TSHZ2: variants seen among roughly 807,000 people sequenced by gnomAD.
TSHZ2 encodes the protein teashirt zinc finger homeobox 2.
Under a neutral mutation model 74.4 loss-of-function variants are expected in TSHZ2, and 21 were observed. The observed-to-expected ratio is 0.28, with a 90% confidence interval of 0.20 to 0.41. TSHZ2 has a LOEUF of 0.41. TSHZ2 is among the 10% of genes least tolerant of loss of function. The pLI is 1.00. For missense variants in TSHZ2, 1,244 were observed against 1,293.5 expected, an observed-to-expected ratio of 0.96 and a Z score of 0.59; for synonymous variants, 540 against 515.3, an observed-to-expected ratio of 1.05 and a Z score of -0.65.
At chr20:53,266,573 A>C (rs1033838299) in intron 2 of TSHZ2, among the ~76,000 whole-genome samples, 1 of 152,112 alleles carries the variant, frequency 6.6e-6, no homozygotes, top group Non-Finnish European at 1.5e-5. Flanking sequence ...AATAATTCTC[A>C]TTGTCCCATC....
chr20:53,429,333 T>G (rs1983758265), intron 2 of TSHZ2, among the ~76,000 whole-genome samples: 1 of 152,192 alleles, frequency 6.6e-6, no homozygotes, highest in African/African-American at 2.4e-5. Flanking sequence ...AGAAATCTCT[T>G]GATATGGTTT....
chr20:53,012,885 C>CA (rs1217471823), intron 1 of TSHZ2, among the ~76,000 whole-genome samples: 2 of 152,068 alleles, frequency 1.3e-5, no homozygotes, highest in East Asian at 1.9e-4. Context: ...TCTAAAATTT[C>CA]AAAAAAACGA....
chr20:53,151,361 T>C (rs1054378630), intron 1 of TSHZ2, among the ~76,000 whole-genome samples: 7 of 152,244 alleles, frequency 4.6e-5, no homozygotes, highest in African/African-American at 1.7e-4. Flanking sequence ...ACTTTGACTC[T>C]GGACTAGTCT....
intron 1 of TSHZ2, among the ~76,000 whole-genome samples, chr20:53,059,512 CAG>C (rs936877735): frequency 6.6e-6 from 1 of 152,132 alleles, no homozygotes; most frequent in South Asian, 2.1e-4. Flanking sequence ...GTATCGATAA[CAG>C]AGTCTTACAG....
At chr20:53,029,119 G>A (rs1983547724) in intron 1 of TSHZ2, among the ~76,000 whole-genome samples, 3 of 152,126 alleles carry the variant, frequency 2.0e-5, no homozygotes, top group South Asian at 4.1e-4. Context: ...ATAGAACATT[G>A]TAAGTATTGT....
chr20:53,264,783 G>C (rs1990676313), intron 2 of TSHZ2, among the ~76,000 whole-genome samples: 1 of 152,194 alleles, frequency 6.6e-6, no homozygotes, highest in African/African-American at 2.4e-5. Flanking sequence ...GTGCTCTACA[G>C]GGAGCACTCA....
At chr20:53,090,227 C>CA (rs1390980209) in intron 1 of TSHZ2, among the ~76,000 whole-genome samples, 1 of 152,198 alleles carries the variant, frequency 6.6e-6, no homozygotes, top group Non-Finnish European at 1.5e-5. Context: ...GCTGTGCTGG[C>CA]AGCTGACTAG....
chr20:53,051,864 C>A (rs556168799), intron 1 of TSHZ2, among the ~76,000 whole-genome samples: 2 of 152,272 alleles, frequency 1.3e-5, no homozygotes, highest in Admixed American at 6.5e-5. Flanking sequence ...ATAGAACGGA[C>A]CTTTGCAGGA....
intron 1 of TSHZ2, among the ~76,000 whole-genome samples, chr20:53,235,086 G>A (rs1361201174): frequency 6.8e-6 from 1 of 146,778 alleles, no homozygotes; most frequent in Admixed American, 6.9e-5. Flanking sequence ...GAAAGTTGAG[G>A]TGGAAGATGC....
chr20:53,405,159 G>A (rs1332964253), intron 2 of TSHZ2, among the ~76,000 whole-genome samples: 1 of 147,416 alleles, frequency 6.8e-6, no homozygotes, highest in Non-Finnish European at 1.5e-5. Flanking sequence ...TGGGGCAGGA[G>A]AATCACTTGA....
chr20:53,095,108 C>G (rs1720015633), intron 1 of TSHZ2, among the ~76,000 whole-genome samples: 2 of 152,190 alleles, frequency 1.3e-5, no homozygotes, highest in Non-Finnish European at 2.9e-5. Context: ...ACTCAAAAGT[C>G]TAGGACAAGC....
At chr20:53,294,472 TA>T (rs3830901) in intron 2 of TSHZ2, among the ~76,000 whole-genome samples, 41 of 146,994 alleles carry the variant, frequency 2.8e-4, no homozygotes, top group African/African-American at 4.2e-4. Flanking sequence ...CACAAGCTTA[TA>T]AAAAAAAAAG....
intron 2 of TSHZ2, among the ~76,000 whole-genome samples, chr20:53,296,368 A>C (rs551961338): frequency 6.6e-6 from 1 of 152,236 alleles, no homozygotes; most frequent in African/African-American, 2.4e-5. Context: ...AAAAGATTGC[A>C]ATCTATCCTA....
intron 2 of TSHZ2, among the ~76,000 whole-genome samples, chr20:53,260,070 TTTCC>T (rs11470620): frequency 0.21 from 31,924 of 151,650 alleles, 3,745 homozygotes; most frequent in African/African-American, 0.32. Flanking sequence ...TTTTTTCTTC[TTTCC>T]TTCCTTCTTT....
chr20:53,308,479 G>A (rs946292193), intron 2 of TSHZ2, among the ~76,000 whole-genome samples: 1 of 152,122 alleles, frequency 6.6e-6, no homozygotes, highest in African/African-American at 2.4e-5. Context: ...CGGAAAATAA[G>A]CAAAGGACTC....
Position 53,207,312 on chromosome 20 carries a change from G to A in TSHZ2, c.41-46187G>A, listed in dbSNP as rs531970616. On this transcript the variant is annotated intron_variant, in intron 1 of 2. Coordinates refer to ENST00000371497, the MANE Select transcript of TSHZ2 (RefSeq NM_173485.6). ...GAGATCAGAGAAATCACAGAGGGGA[G>A]TTGTTGTTTTTTTCAGGGGTGGGGG... 2.0e-3 allele frequency among the ~76,000 whole-genome samples: 305 copies of A among 152,124 alleles called. 2 individuals carry two copies. Among genetic ancestry groups the A allele is most frequent in the African/African-American group, 6.1e-3 (253 of 41,492 alleles).
At chr20:53,294,028 A>G (rs200635) in intron 2 of TSHZ2, among the ~76,000 whole-genome samples, 54,576 of 151,986 alleles carry the variant, frequency 0.36, 9,853 homozygotes, top group East Asian at 0.47. Context: ...AAAAAAATAG[A>G]TAAATAAAAT....
At chr20:53,364,894 A>G (rs918692311) in intron 2 of TSHZ2, among the ~76,000 whole-genome samples, 2 of 152,226 alleles carry the variant, frequency 1.3e-5, no homozygotes, top group African/African-American at 4.8e-5. Context: ...GATAATGGCC[A>G]AGTCCTCTGT....
intron 1 of TSHZ2, among the ~76,000 whole-genome samples, chr20:53,035,920 T>C (rs1334205554): frequency 6.6e-6 from 1 of 152,220 alleles, no homozygotes; most frequent in Non-Finnish European, 1.5e-5. Flanking sequence ...AGTGTATATT[T>C]TTTATACATA....
Sources: gnomAD v4.1 joint callset for allele counts (sites outside exome capture counted in the v4.1 genomes callset) on GRCh38, gnomAD v4.1.1 for gene constraint, MANE v1.5 for transcripts, NCBI Gene and HGNC (gene_info 2026-07-23, HGNC 2026-07-21) for gene names.